The following CSMD1 variants were observed in gnomAD, a reference collection of about 807,000 sequenced individuals.
CSMD1 encodes the protein CUB and sushi domain-containing protein 1.
Under a neutral mutation model 417.5 loss-of-function variants are expected in CSMD1, and 213 were observed. The ratio of observed to expected loss-of-function variants is 0.51; its 90% CI spans 0.46 to 0.57. The LOEUF is 0.57. Ranked by LOEUF, CSMD1 falls within the 20% of genes least tolerant of loss-of-function variation. The pLI is 0.00. For missense variants in CSMD1, 6,923 were observed against 4,529.7 expected (o/e 1.53, Z -15.17); for synonymous variants, 2,862 against 1,736.8 (o/e 1.65, Z -16.11).
chr8:3,896,792 G>A (rs112530042), intron 5 of CSMD1, among the ~76,000 whole-genome samples: 1 of 152,076 alleles, frequency 6.6e-6, no homozygotes, highest in East Asian at 1.9e-4. Context: ...TATTGTCTGA[G>A]AGTCTGAATT....
chr8:3,202,241 T>C (rs1797029545), intron 31 of CSMD1, among the ~76,000 whole-genome samples: 1 of 152,166 alleles, frequency 6.6e-6, no homozygotes, highest in African/African-American at 2.4e-5. Context: ...CAATGAAAAA[T>C]AAGCAAAGGA....
intron 3 of CSMD1, among the ~76,000 whole-genome samples, chr8:4,136,043 A>C (rs1803411692): frequency 6.6e-6 from 1 of 152,198 alleles, no homozygotes; most frequent in South Asian, 2.1e-4. Context: ...CCAAAGAAGA[A>C]TTTTAAATGG....
intron 3 of CSMD1, among the ~76,000 whole-genome samples, chr8:4,229,084 G>A (rs1801543599): frequency 6.6e-6 from 1 of 152,188 alleles, no homozygotes; most frequent in African/African-American, 2.4e-5. Flanking sequence ...CCTGATTCCT[G>A]ATGCACTCCC....
chr8:4,133,219 A>T (rs1714745), intron 3 of CSMD1, among the ~76,000 whole-genome samples: 27,452 of 152,150 alleles, frequency 0.18, 2,675 homozygotes, highest in East Asian at 0.3. Flanking sequence ...TACAGACATG[A>T]GTCACCATGC....
At chr8:4,457,122 GAA>G (rs1008699565) in intron 2 of CSMD1, among the ~76,000 whole-genome samples, 12 of 152,088 alleles carry the variant, frequency 7.9e-5, no homozygotes, top group Admixed American at 3.3e-4. Context: ...TTCTTACTGT[GAA>G]AGAGTTATTC....
intron 3 of CSMD1, among the ~76,000 whole-genome samples, chr8:4,066,022 G>A (rs1585238766): frequency 6.6e-6 from 1 of 152,204 alleles, no homozygotes; most frequent in Admixed American, 6.5e-5. Flanking sequence ...ATCCTTGGAG[G>A]AAGTCAGAAG....
At chr8:3,933,973 T>G (rs2129681326) in intron 5 of CSMD1, among the ~76,000 whole-genome samples, 1 of 152,260 alleles carries the variant, frequency 6.6e-6, no homozygotes, top group South Asian at 2.1e-4. Context: ...ACAGTCGGGC[T>G]AGTGAAGTGG....
intron 3 of CSMD1, among the ~76,000 whole-genome samples, chr8:4,073,512 A>C (rs562802781): frequency 6.6e-6 from 1 of 152,224 alleles, no homozygotes; most frequent in East Asian, 1.9e-4. Flanking sequence ...CTTTCAGAGG[A>C]CCTGGGATGT....
At chr8:3,820,617 C>G (rs935094301) in intron 5 of CSMD1, among the ~76,000 whole-genome samples, 4 of 152,178 alleles carry the variant, frequency 2.6e-5, no homozygotes, top group Non-Finnish European at 5.9e-5. Context: ...GCTCTCTTGT[C>G]CAAGTTGGAG....
intron 3 of CSMD1, among the ~76,000 whole-genome samples, chr8:4,300,310 G>C (rs1343759763): frequency 1.3e-5 from 2 of 152,204 alleles, no homozygotes; most frequent in East Asian, 1.9e-4. Context: ...AATATGAGGG[G>C]ACCTCAAAAA....
chr8:4,102,770 A>T (rs1434510874), intron 3 of CSMD1, among the ~76,000 whole-genome samples: 1 of 152,216 alleles, frequency 6.6e-6, no homozygotes, highest in Non-Finnish European at 1.5e-5. Context: ...TTAGTCCAGG[A>T]CAACAAAAGG....
intron 5 of CSMD1, among the ~76,000 whole-genome samples, chr8:3,904,857 A>C (rs753481003): frequency 1.7e-4 from 26 of 152,004 alleles, no homozygotes; most frequent in Non-Finnish European, 2.9e-4. Context: ...GGCTGGTCTC[A>C]AACTCTTGAC....
At chr8:3,918,427 C>T (rs771492189) in intron 5 of CSMD1, among the ~76,000 whole-genome samples, 4 of 152,100 alleles carry the variant, frequency 2.6e-5, no homozygotes, top group Middle Eastern at 3.4e-3. Context: ...TTTTGATTTG[C>T]GTTTGTCTGA....
chr8:4,785,328 G>A (rs78894479), intron 1 of CSMD1, among the ~76,000 whole-genome samples: 1 of 152,170 alleles, frequency 6.6e-6, no homozygotes, highest in Admixed American at 6.5e-5. Flanking sequence ...ATTGGTGGAA[G>A]ACTTTGCTCT....
chr8:4,400,543 C>A (rs1804575796), intron 3 of CSMD1, among the ~76,000 whole-genome samples: 1 of 152,324 alleles, frequency 6.6e-6, no homozygotes, highest in Admixed American at 6.5e-5. Context: ...GCCTTTCGTG[C>A]AAGGCACAGG....
intron 18 of CSMD1, among the ~76,000 whole-genome samples, chr8:3,383,974 G>C (rs989109983): frequency 3.9e-5 from 6 of 152,114 alleles, no homozygotes; most frequent in African/African-American, 1.2e-4. Flanking sequence ...TGGACAAACA[G>C]GACCTTCCCT....
At chr8:3,986,739 G>A (rs986974741) in intron 5 of CSMD1, among the ~76,000 whole-genome samples, 4 of 151,176 alleles carry the variant, frequency 2.6e-5, no homozygotes, top group African/African-American at 9.8e-5. Context: ...TCAAAGGCCT[G>A]CTTTTACAAT....
chr8:3,599,347 A>T (rs889599018), intron 8 of CSMD1, among the ~76,000 whole-genome samples: 6 of 152,172 alleles, frequency 3.9e-5, no homozygotes, highest in Non-Finnish European at 8.8e-5. Context: ...CTCAGGATGC[A>T]ACACGGCATT....
chr8:4,409,807 C>T (rs1796549092), intron 3 of CSMD1, among the ~76,000 whole-genome samples: 1 of 151,942 alleles, frequency 6.6e-6, no homozygotes, highest in Non-Finnish European at 1.5e-5. Flanking sequence ...AATAACAATA[C>T]CGTACTTTTA....
Sources: allele counts gnomAD v4.1 joint callset (sites outside exome capture counted in the v4.1 genomes callset), GRCh38; gene constraint gnomAD v4.1.1; transcripts MANE v1.5; gene names NCBI Gene and HGNC (gene_info 2026-07-23, HGNC 2026-07-21).